Variants in STK3 observed in about 807,000 individuals in gnomAD.
STK3 encodes the protein serine/threonine-protein kinase 3.
Under a neutral mutation model 58.0 loss-of-function variants are expected in STK3, and 41 were observed. The observed-to-expected ratio is 0.71, with a 90% confidence interval of 0.55 to 0.92. STK3 has a LOEUF of 0.92. Among genes scored for constraint, STK3 ranks in the 40% least tolerant of loss-of-function variants. The pLI is 0.00. For synonymous variants in STK3, 170 were observed against 191.0 expected (o/e 0.89, Z 0.91); for missense variants, 479 against 602.7 (o/e 0.79, Z 2.15).
chr8:98,632,503 C>T (rs1819334029), intron 6 of STK3, among the ~76,000 whole-genome samples: 1 of 152,126 alleles, frequency 6.6e-6, no homozygotes. Context: ...AGAAAGACTG[C>T]ATTACAATCT....
chr8:98,375,271 C>CAAA (rs10659549), intron 2 of STK3, among the ~76,000 whole-genome samples: 5,544 of 138,214 alleles, frequency 0.04, 225 homozygotes, highest in African/African-American at 0.1. Context: ...AAAAAAAAAA[C>CAAA]AAAAAAAAAC....
intron 7 of STK3, among the ~76,000 whole-genome samples, chr8:98,582,494 T>C (rs767682780): frequency 1.6e-4 from 25 of 152,108 alleles, no homozygotes; most frequent in Non-Finnish European, 3.1e-4. Flanking sequence ...TTTTTTGTTT[T>C]AGTTTTTTTA....
At chr8:98,398,402 G>C (rs1817913980), downstream of STK3, among the ~76,000 whole-genome samples, 1 of 152,044 alleles carries the variant, frequency 6.6e-6, no homozygotes, top group African/African-American at 2.4e-5. Context: ...CCACATCCTG[G>C]GAACCCCTCA....
chr8:98,637,054 GA>G (rs984422516), intron 6 of STK3, among the ~76,000 whole-genome samples: 12 of 142,986 alleles, frequency 8.4e-5, no homozygotes, highest in African/African-American at 3.2e-4. Context: ...TCATTTGTAA[GA>G]TTTTTTTTTT....
At chr8:98,661,767 A>G (rs1297492439) in intron 6 of STK3, among the ~76,000 whole-genome samples, 1 of 152,164 alleles carries the variant, frequency 6.6e-6, no homozygotes, top group Non-Finnish European at 1.5e-5. Context: ...TTAGGATCCC[A>G]GAATACCACA....
chr8:98,645,188 C>T (rs183137538), intron 6 of STK3, among the ~76,000 whole-genome samples: 22 of 152,236 alleles, frequency 1.4e-4, no homozygotes, highest in Admixed American at 1.2e-3. Context: ...CTCTGCTGAA[C>T]GAGACTCATT....
intron 4 of STK3, among the ~76,000 whole-genome samples, chr8:98,711,803 A>C (rs201351295): frequency 1.3e-5 from 2 of 152,268 alleles, no homozygotes; most frequent in Admixed American, 1.3e-4. Context: ...GATACTCCTC[A>C]AGAAGAGCAA....
At chr8:98,642,722 A>C (rs1820118934) in intron 6 of STK3, among the ~76,000 whole-genome samples, 1 of 152,196 alleles carries the variant, frequency 6.6e-6, no homozygotes, top group African/African-American at 2.4e-5. Flanking sequence ...TAAATATGTA[A>C]ACTGATCTAA....
chr8:98,442,511 G>A (rs1324140089), intron 1 of STK3, among the ~76,000 whole-genome samples: 1 of 152,216 alleles, frequency 6.6e-6, no homozygotes, highest in Non-Finnish European at 1.5e-5. Flanking sequence ...TTTACATTAT[G>A]GTTTTAGGGA....
In STK3 at chr8:98,752,430, T is replaced by C. The variant is rs546460756; in HGVS notation, c.237-3040A>G. Among the ~76,000 whole-genome samples, 15 of 152,316 alleles carry C rather than the reference T, an allele frequency of 9.8e-5. 1 individual carries two copies. Among genetic ancestry groups the C allele is most frequent in the Admixed American group, 7.8e-4 (12 of 15,294 alleles). On this transcript the variant is annotated intron_variant, in intron 3 of 10. Coordinates refer to ENST00000419617, the MANE Select transcript of STK3 (RefSeq NM_006281.4). ...GAAGATTGAAACTGGACCCCTCCCT[T>C]ATTATCATGTTCAAAAATTTAACTC...
At chr8:98,373,716 G>A (rs544824254) in intron 2 of STK3, among the ~76,000 whole-genome samples, 21 of 152,254 alleles carry the variant, frequency 1.4e-4, no homozygotes, top group African/African-American at 5.1e-4. Context: ...GACACAAAAG[G>A]TAATATCTGC....
At chr8:98,582,967 A>C (rs1423645905) in intron 7 of STK3, among the ~76,000 whole-genome samples, 1 of 152,134 alleles carries the variant, frequency 6.6e-6, no homozygotes, top group Non-Finnish European at 1.5e-5. Flanking sequence ...TATCAAGTTT[A>C]TAACTATATC....
chr8:98,649,803 T>C (rs1401081784), intron 6 of STK3, among the ~76,000 whole-genome samples: 1 of 152,204 alleles, frequency 6.6e-6, no homozygotes, highest in Non-Finnish European at 1.5e-5. Flanking sequence ...AAGATTATTA[T>C]GATATAGTTT....
intron 6 of STK3, chr8:98,633,445 G>A (rs139098261): frequency 1.9e-6 from 1 of 513,648 alleles, no homozygotes; most frequent in Non-Finnish European, 3.6e-6. Context: ...TGAGACTGCA[G>A]ATTATTAAAT....
intron 4 of STK3, among the ~76,000 whole-genome samples, chr8:98,732,757 A>C (rs944127158): frequency 6.6e-6 from 1 of 152,218 alleles, no homozygotes; most frequent in Non-Finnish European, 1.5e-5. Context: ...ACAAGAAATC[A>C]GGAAGCTCCA....
intron 10 of STK3, among the ~76,000 whole-genome samples, chr8:98,525,904 A>T (rs930053874): frequency 5.9e-4 from 89 of 152,040 alleles, no homozygotes; most frequent in African/African-American, 2.0e-3. Context: ...GTACATATTT[A>T]TATTTATCTA....
intron 10 of STK3, among the ~76,000 whole-genome samples, chr8:98,464,377 A>C (rs1820258938): frequency 6.6e-6 from 1 of 151,998 alleles, no homozygotes; most frequent in African/African-American, 2.4e-5. Flanking sequence ...AACACTGTTG[A>C]TGGAGGCTGC....
chr8:98,895,656 A>G (rs1838417223), intron 1 of STK3, among the ~76,000 whole-genome samples: 1 of 152,198 alleles, frequency 6.6e-6, no homozygotes, highest in African/African-American at 2.4e-5. Flanking sequence ...GAGAAGCATG[A>G]GCCTCAAGAT....
chr8:98,940,521 C>T (rs1215521527), intron 1 of STK3, among the ~76,000 whole-genome samples: 4 of 152,170 alleles, frequency 2.6e-5, no homozygotes, highest in African/African-American at 9.7e-5. Context: ...AGGGTGCCTG[C>T]GGCTGGCTGG....
Sources: gnomAD v4.1 joint callset for allele counts (sites outside exome capture counted in the v4.1 genomes callset) on GRCh38, gnomAD v4.1.1 for gene constraint, MANE v1.5 for transcripts, NCBI Gene and HGNC (gene_info 2026-07-23, HGNC 2026-07-21) for gene names.